Variants in BBX observed in about 807,000 individuals in gnomAD.
The protein encoded by BBX is BBX high mobility group box domain containing, also known as HMG box transcription factor BBX.
Under a neutral mutation model 100.2 loss-of-function variants are expected in BBX, and 30 were observed. That is an observed-to-expected ratio of 0.30 (90% CI 0.22 to 0.41). BBX has a LOEUF of 0.41. Ranked by LOEUF, BBX falls within the 10% of genes least tolerant of loss-of-function variation. The pLI is 1.00. For synonymous variants in BBX, 376 were observed against 388.1 expected, an observed-to-expected ratio of 0.97 and a Z score of 0.37; for missense variants, 1,023 against 1,129.8, an observed-to-expected ratio of 0.91 and a Z score of 1.35.
chr3:107,535,986 T>A (rs2048467317), intron 2 of BBX, among the ~76,000 whole-genome samples: 1 of 152,262 alleles, frequency 6.6e-6, no homozygotes, highest in African/African-American at 2.4e-5. Flanking sequence ...ATAAAACGTT[T>A]ACTTCTGACA....
intron 2 of BBX, among the ~76,000 whole-genome samples, chr3:107,555,153 A>G (rs1218764025): frequency 6.6e-6 from 1 of 152,196 alleles, no homozygotes; most frequent in African/African-American, 2.4e-5. Flanking sequence ...TGTTTCTGCT[A>G]AACCAAAGCT....
rs577805001 is a variant in BBX, at chr3:107,656,857, G to A, written c.-10+10948G>A. Among the ~76,000 whole-genome samples the A allele has an allele frequency of 1.5e-4, 23 of 152,194 alleles. No homozygotes were observed. The South Asian group carries it at 4.8e-3, about 32-fold the overall frequency. ...TATACAAATAAACTTCAAGTTCTGA[G>A]GAAGACCTTAAACCCCACTTAAGGA... On this transcript the variant is annotated intron_variant, in intron 3 of 17. Transcript: ENST00000325805.
intron 3 of BBX, among the ~76,000 whole-genome samples, chr3:107,696,756 T>C (rs2060635480): frequency 6.6e-6 from 1 of 151,552 alleles, no homozygotes; most frequent in Non-Finnish European, 1.5e-5. Context: ...CCTTGCTAGA[T>C]TGGGGAAGTT....
chr3:107,698,651 CA>C (rs56964193), intron 3 of BBX, among the ~76,000 whole-genome samples: 41,042 of 130,516 alleles, frequency 0.31, 6,966 homozygotes, highest in East Asian at 0.91. Flanking sequence ...GACTCCATCT[CA>C]AAAAAAAAAA....
At chr3:107,594,666 G>A (rs1239551802) in intron 2 of BBX, among the ~76,000 whole-genome samples, 2 of 152,064 alleles carry the variant, frequency 1.3e-5, no homozygotes, top group African/African-American at 2.4e-5. Context: ...AATGAAACAG[G>A]AATGAAAATA....
At chr3:107,776,363 A>G (rs2067319061) in intron 12 of BBX, 1 of 152,176 alleles carries the variant, frequency 6.6e-6, no homozygotes, top group Admixed American at 6.5e-5. Flanking sequence ...TGTGGATTGT[A>G]TGTGTTTGTT....
At chr3:107,654,689 G>GT (rs1221255806) in intron 3 of BBX, among the ~76,000 whole-genome samples, 1 of 151,924 alleles carries the variant, frequency 6.6e-6, no homozygotes, top group Non-Finnish European at 1.5e-5. Context: ...GTTTTGTTTT[G>GT]TTTTTGTTTG....
At chr3:107,563,465 G>A (rs781177341) in intron 2 of BBX, among the ~76,000 whole-genome samples, 16 of 151,906 alleles carry the variant, frequency 1.1e-4, no homozygotes, top group African/African-American at 3.9e-4. Flanking sequence ...ATTTTTATCC[G>A]GGCATCACAG....
chr3:107,555,995 G>A (rs1042238095), intron 2 of BBX, among the ~76,000 whole-genome samples: 1 of 152,212 alleles, frequency 6.6e-6, no homozygotes, highest in African/African-American at 2.4e-5. Context: ...ATTATGGCAA[G>A]TAGGAGGCTT....
intron 2 of BBX, among the ~76,000 whole-genome samples, chr3:107,610,579 T>C (rs1204246597): frequency 6.6e-6 from 1 of 152,058 alleles, no homozygotes; most frequent in Non-Finnish European, 1.5e-5. Flanking sequence ...GAATTAACTC[T>C]TTTATCATTA....
intron 2 of BBX, among the ~76,000 whole-genome samples, chr3:107,528,879 T>G (rs1453630225): frequency 6.6e-6 from 1 of 152,222 alleles, no homozygotes; most frequent in Non-Finnish European, 1.5e-5. Context: ...GTCAGCCTAC[T>G]AACAGTATAT....
chr3:107,638,780 TACACACACACACAC>T (rs61081300), intron 2 of BBX, among the ~76,000 whole-genome samples: 2,160 of 99,860 alleles, frequency 0.022, 122 homozygotes, highest in East Asian at 0.11. Flanking sequence ...AAAAAAAGTA[TACACACACACACAC>T]ACACACACAC....
chr3:107,613,309 C>T (rs897590910), intron 2 of BBX, among the ~76,000 whole-genome samples: 12 of 150,240 alleles, frequency 8.0e-5, no homozygotes, highest in Admixed American at 7.3e-4. Context: ...GCCTCAGCCT[C>T]CTGAGTAGCT....
At chr3:107,650,393 C>T (rs1298260265) in intron 3 of BBX, among the ~76,000 whole-genome samples, 1 of 152,090 alleles carries the variant, frequency 6.6e-6, no homozygotes, top group Non-Finnish European at 1.5e-5. Flanking sequence ...CCATCCCCCC[C>T]ACCTCCCCTA....
At chr3:107,743,351 T>G (rs2064273541) in intron 7 of BBX, among the ~76,000 whole-genome samples, 1 of 152,186 alleles carries the variant, frequency 6.6e-6, no homozygotes, top group African/African-American at 2.4e-5. Context: ...GCTACGAATT[T>G]CAGGATTTGT....
chr3:107,729,042 G>T, intron 6 of BBX, 82 bp downstream of exon 6: 3 of 1,417,830 alleles, frequency 2.1e-6, no homozygotes, highest in Non-Finnish European at 2.9e-6. Flanking sequence ...ACTGAGGGCG[G>T]GGGGACAAAA....
At chr3:107,559,731 T>G (rs917056258) in intron 2 of BBX, among the ~76,000 whole-genome samples, 5 of 152,150 alleles carry the variant, frequency 3.3e-5, no homozygotes, top group African/African-American at 1.2e-4. Flanking sequence ...TCAGTGTTAT[T>G]AGGATTAGAA....
intron 9 of BBX, among the ~76,000 whole-genome samples, chr3:107,751,537 T>G (rs1309797899): frequency 6.6e-6 from 1 of 152,198 alleles, no homozygotes; most frequent in Non-Finnish European, 1.5e-5. Context: ...TGTTTTGATT[T>G]TTTTTCATTG....
At chr3:107,713,723 C>T (rs75917768) in intron 4 of BBX, among the ~76,000 whole-genome samples, 1 of 152,004 alleles carries the variant, frequency 6.6e-6, no homozygotes, top group African/African-American at 2.4e-5. Flanking sequence ...CAAATGCATG[C>T]GTTTAAATAT....
Sources: gnomAD v4.1 joint callset for allele counts (sites outside exome capture counted in the v4.1 genomes callset) on GRCh38, gnomAD v4.1.1 for gene constraint, MANE v1.5 for transcripts, NCBI Gene and HGNC (gene_info 2026-07-23, HGNC 2026-07-21) for gene names.